SND1: variants seen among roughly 807,000 people sequenced by gnomAD.
The protein encoded by SND1 is staphylococcal nuclease and tudor domain containing 1, also known as staphylococcal nuclease domain-containing protein 1.
SND1 carries 38 observed loss-of-function variants against 121.7 expected under a neutral mutation model. The ratio of observed to expected loss-of-function variants is 0.31; its 90% CI spans 0.24 to 0.41. The LOEUF (loss-of-function observed/expected upper bound fraction) is 0.41, where lower values mean the gene tolerates loss of function less well. Among genes scored for constraint, SND1 ranks in the 10% least tolerant of loss-of-function variants. SND1 has a pLI of 1.00. For synonymous variants in SND1, 401 were observed against 447.4 expected, an observed-to-expected ratio of 0.90 and a Z score of 1.31; for missense variants, 868 against 1,184.6, an observed-to-expected ratio of 0.73 and a Z score of 3.92.
rs2116954657 is a variant in SND1 at position 128,015,353 on chromosome 7, T to C, written c.1779+24297T>C. ...TCATAGAACAGGGCAAGGTTTAAGTTCATATTTTGCAGAAAACACTTTCCA... is the reference window on the plus strand; with the variant it reads ...TCATAGAACAGGGCAAGGTTTAAGTCCATATTTTGCAGAAAACACTTTCCA... On this transcript the variant is annotated intron_variant, in intron 16 of 23. Transcript: ENST00000354725. This position sits in a 1 kb window ranked among gnomAD's most constrained non-coding sequence, Gnocchi z 4.5. Among the ~76,000 whole-genome samples, 1 of 152,336 alleles carries C rather than the reference T, an allele frequency of 6.6e-6. No individual in the cohort carries two copies. Among genetic ancestry groups the C allele is most frequent in the East Asian group, 1.9e-4 (1 of 5,190 alleles).
At chr7:127,743,042 CA>C (rs1758430850) in intron 10 of SND1, among the ~76,000 whole-genome samples, 1 of 152,132 alleles carries the variant, frequency 6.6e-6, no homozygotes, top group Admixed American at 6.5e-5. Flanking sequence ...CCCCCACCCC[CA>C]TTTTATTCTT....
At chr7:127,904,578 T>C in intron 13 of SND1, 169 bp from the exon 14 acceptor site, 1 of 464,450 alleles carries the variant, frequency 2.2e-6, no homozygotes, top group Non-Finnish European at 4.0e-6. Context: ...TAATCCCCCC[T>C]CCACCAAATC....
At chr7:127,714,011 C>T (rs1474774931) in intron 9 of SND1, among the ~76,000 whole-genome samples, 1 of 151,806 alleles carries the variant, frequency 6.6e-6, no homozygotes, top group African/African-American at 2.4e-5. Context: ...GAGCACGTGG[C>T]TTGGCTTCCC....
chr7:127,797,902 G>A (rs541793740), intron 10 of SND1, among the ~76,000 whole-genome samples: 3 of 152,308 alleles, frequency 2.0e-5, no homozygotes, highest in Middle Eastern at 6.8e-3. Context: ...AAGACCTCAT[G>A]CTTGGCTCCT....
intron 1 of SND1, among the ~76,000 whole-genome samples, chr7:127,681,004 T>C (rs1250727480): frequency 6.6e-6 from 1 of 152,106 alleles, no homozygotes; most frequent in Non-Finnish European, 1.5e-5. Context: ...CCGTTCGGGG[T>C]GCCTGACTTC....
intron 12 of SND1, among the ~76,000 whole-genome samples, chr7:127,869,320 CG>C (rs1480935687): frequency 2.6e-5 from 4 of 151,888 alleles, no homozygotes; most frequent in Non-Finnish European, 5.9e-5. Flanking sequence ...ATGGGGTTAG[CG>C]AAGGAGGGAA....
At chr7:128,075,481 G>A (rs866055709) in intron 17 of SND1, among the ~76,000 whole-genome samples, 1 of 152,188 alleles carries the variant, frequency 6.6e-6, no homozygotes, top group Admixed American at 6.5e-5. Context: ...GCTAAGGCCC[G>A]GACACCTGCC....
At chr7:127,858,442 GTCC>G in intron 12 of SND1, 5 of 743,836 alleles carry the variant, frequency 6.7e-6, no homozygotes, top group African/African-American at 1.7e-5. Flanking sequence ...GGCCCAAGCT[GTCC>G]TCCTCTTCCA....
intron 10 of SND1, among the ~76,000 whole-genome samples, chr7:127,746,121 T>C (rs1028864482): frequency 2.0e-5 from 3 of 152,200 alleles, no homozygotes; most frequent in Non-Finnish European, 4.4e-5. Flanking sequence ...GTCAGTGTTG[T>C]GTGTTGCCTA....
At chr7:127,831,139 C>G (rs1204481893) in intron 11 of SND1, among the ~76,000 whole-genome samples, 1 of 152,114 alleles carries the variant, frequency 6.6e-6, no homozygotes, top group Admixed American at 6.5e-5. Context: ...CCAGTTTGTT[C>G]TATTGGGAAG....
chr7:127,898,424 C>T (rs916919027), intron 13 of SND1, among the ~76,000 whole-genome samples: 1 of 152,108 alleles, frequency 6.6e-6, no homozygotes, highest in Non-Finnish European at 1.5e-5. Flanking sequence ...TACCATTCTG[C>T]ACCTGCTCCT....
chr7:127,777,763 A>C (rs1040649737), intron 10 of SND1, among the ~76,000 whole-genome samples: 1 of 151,294 alleles, frequency 6.6e-6, no homozygotes, highest in Non-Finnish European at 1.5e-5. Flanking sequence ...CTGGTGTCCA[A>C]CTCCTGGGTT....
At chr7:127,963,702 C>T (rs1801789464) in intron 15 of SND1, among the ~76,000 whole-genome samples, 2 of 52,438 alleles carry the variant, frequency 3.8e-5, no homozygotes, top group Admixed American at 2.2e-4. Flanking sequence ...TGAATAATGC[C>T]GCAATAAACA....
At chr7:127,896,548 C>T (rs975726245) in intron 13 of SND1, among the ~76,000 whole-genome samples, 8 of 152,126 alleles carry the variant, frequency 5.3e-5, no homozygotes, top group Non-Finnish European at 7.4e-5. Context: ...ATTTGAGAAG[C>T]ACTGCCCTAA....
chr7:128,014,443 C>T (rs749538445), intron 16 of SND1, among the ~76,000 whole-genome samples: 2 of 152,218 alleles, frequency 1.3e-5, no homozygotes, highest in East Asian at 3.8e-4. Context: ...ACGAGCCTGG[C>T]GCTGAGAAGC....
At chr7:127,794,480 TTAA>T (rs1797975571) in intron 10 of SND1, among the ~76,000 whole-genome samples, 2 of 152,246 alleles carry the variant, frequency 1.3e-5, no homozygotes, top group African/African-American at 2.4e-5. Context: ...GGAAGAAACT[TTAA>T]TAATAATAAT....
chr7:127,892,638 T>C (rs551125357), intron 13 of SND1, among the ~76,000 whole-genome samples: 1 of 152,268 alleles, frequency 6.6e-6, no homozygotes, highest in South Asian at 2.1e-4. Flanking sequence ...TATCATCAGC[T>C]GACCCCTGCC....
chr7:127,841,281 G>A (rs953756673), intron 11 of SND1, among the ~76,000 whole-genome samples: 3 of 151,714 alleles, frequency 2.0e-5, no homozygotes, highest in African/African-American at 7.3e-5. Flanking sequence ...TTTTTTTTAA[G>A]CAGTGCTGAT....
chr7:127,705,603 A>T (rs966377293), intron 8 of SND1, among the ~76,000 whole-genome samples: 2 of 151,812 alleles, frequency 1.3e-5, no homozygotes, highest in African/African-American at 2.4e-5. Context: ...GTAGATGTAG[A>T]TGTAGATGTA....
Sources: gnomAD v4.1 joint callset for allele counts (sites outside exome capture counted in the v4.1 genomes callset) on GRCh38, gnomAD v4.1.1 for gene constraint, Gnocchi (gnomAD v3.1) non-coding constraint, MANE v1.5 for transcripts, NCBI Gene and HGNC (gene_info 2026-07-23, HGNC 2026-07-21) for gene names.